Variants in UNC13C observed in about 807,000 individuals in gnomAD.
UNC13C encodes protein unc-13 homolog C.
UNC13C carries 174 observed loss-of-function variants against 245.4 expected under a neutral mutation model. That is an observed-to-expected ratio of 0.71 (90% CI 0.63 to 0.80). UNC13C has a LOEUF of 0.80. UNC13C is among the 30% of genes least tolerant of loss of function. The pLI is 0.00. For missense variants in UNC13C, 2,829 were observed against 2,602.9 expected (o/e 1.09, Z -1.89); for synonymous variants, 992 against 895.1 (o/e 1.11, Z -1.93).
intron 2 of UNC13C, among the ~76,000 whole-genome samples, chr15:54,106,956 A>G (rs1316073714): frequency 1.3e-5 from 2 of 152,280 alleles, no homozygotes; most frequent in African/African-American, 4.8e-5. Context: ...CCTGCTGTGT[A>G]GAATGAAAGA....
intron 17 of UNC13C, among the ~76,000 whole-genome samples, chr15:54,381,953 C>T (rs1047907996): frequency 1.4e-4 from 21 of 152,260 alleles, no homozygotes; most frequent in African/African-American, 4.6e-4. Flanking sequence ...ATATTCTTCT[C>T]ATCAGCATGT....
chr15:53,878,115 C>G, the UNC13C span, among the ~76,000 whole-genome samples: 3 of 152,060 alleles, frequency 2.0e-5, no homozygotes, highest in African/African-American at 7.2e-5. Context: ...TGGTTTGTCT[C>G]ATTTGTCTTC....
chr15:54,446,153 T>A (rs1194173790), intron 19 of UNC13C, among the ~76,000 whole-genome samples: 1 of 152,176 alleles, frequency 6.6e-6, no homozygotes, highest in Non-Finnish European at 1.5e-5. Flanking sequence ...TTGATCTATA[T>A]CTCTATTTTG....
intron 4 of UNC13C, among the ~76,000 whole-genome samples, chr15:54,230,060 T>C: frequency 1.3e-5 from 1 of 75,588 alleles, no homozygotes; most frequent in East Asian, 2.7e-4. Flanking sequence ...GGCTATATTG[T>C]GAATAATGTG....
At chr15:54,417,180 A>G in intron 19 of UNC13C, 1 of 330,340 alleles carries the variant, frequency 3.0e-6, no homozygotes, top group South Asian at 2.4e-5. Context: ...TACATTGCCT[A>G]TAATGATGTT....
At chr15:54,559,345 C>T (rs907167827) in intron 29 of UNC13C, among the ~76,000 whole-genome samples, 2 of 152,026 alleles carry the variant, frequency 1.3e-5, no homozygotes, top group African/African-American at 4.8e-5. Flanking sequence ...AGGTTCTGCC[C>T]TATCCTGCTA....
the UNC13C span, among the ~76,000 whole-genome samples, chr15:53,943,019 C>A: frequency 1.3e-5 from 2 of 152,128 alleles, no homozygotes. Flanking sequence ...TCACTAAGAA[C>A]AGAAACATGT....
At chr15:53,960,026 A>G in the UNC13C span, among the ~76,000 whole-genome samples, 1 of 152,200 alleles carries the variant, frequency 6.6e-6, no homozygotes, top group Admixed American at 6.5e-5. Flanking sequence ...TACAGTTTAC[A>G]GTTAAAAATA....
intron 1 of UNC13C, among the ~76,000 whole-genome samples, chr15:53,985,756 A>C (rs2725589): frequency 0.24 from 36,056 of 151,894 alleles, 5,131 homozygotes; most frequent in Non-Finnish European, 0.31. Context: ...GTCAATGTCA[A>C]CTCACTGTGG....
intron 18 of UNC13C, among the ~76,000 whole-genome samples, chr15:54,407,903 TGTAAA>T (rs2040329633): frequency 6.6e-6 from 1 of 151,930 alleles, no homozygotes; most frequent in Non-Finnish European, 1.5e-5. Context: ...ATTTTTTTGT[TGTAAA>T]AGAAAAGAAT....
chr15:54,449,871 T>C (rs925625613), intron 19 of UNC13C, among the ~76,000 whole-genome samples: 2 of 152,330 alleles, frequency 1.3e-5, no homozygotes, highest in Middle Eastern at 3.4e-3. Flanking sequence ...ATTTTCAGTT[T>C]TTCTGCTCTG....
At chr15:54,538,204 C>G (rs73421560) in intron 26 of UNC13C, among the ~76,000 whole-genome samples, 6,425 of 118,076 alleles carry the variant, frequency 0.054, 451 homozygotes, top group African/African-American at 0.18. Context: ...AGACACTTCT[C>G]AAAAGAAGAC....
At chr15:54,309,163 C>A (rs1307380669) in intron 13 of UNC13C, among the ~76,000 whole-genome samples, 2 of 151,752 alleles carry the variant, frequency 1.3e-5, no homozygotes, top group Non-Finnish European at 2.9e-5. Context: ...CTTGCCAAGG[C>A]TTGTTATCTT....
Position 54,238,076 on chromosome 15 carries a change from G to T in UNC13C, c.3228+386G>T, listed in dbSNP as rs948119413. On this transcript the variant is annotated intron_variant, in intron 7 of 32. Coordinates refer to ENST00000260323, the MANE Select transcript of UNC13C (RefSeq NM_001080534.3). Reference sequence around the variant, plus strand: ...AATTTCCTCCTCAGGACTTTTATAGGTTTTTTTTTTTTTTTTTTGAGACAG... The same window carrying T: ...AATTTCCTCCTCAGGACTTTTATAGTTTTTTTTTTTTTTTTTTTGAGACAG... 3.5e-5 allele frequency among the ~76,000 whole-genome samples: 4 copies of T among 115,838 alleles called. No homozygotes were observed. The South Asian group carries it at 8.5e-4, about 25-fold the overall frequency. 76.0% of individuals were successfully genotyped at this position (115,838 alleles called of 152,430 possible).
intron 4 of UNC13C, among the ~76,000 whole-genome samples, chr15:54,164,669 A>G (rs1369359297): frequency 4.6e-5 from 7 of 152,178 alleles, no homozygotes; most frequent in Admixed American, 4.6e-4. Flanking sequence ...TTCACTAAAC[A>G]ATTATGGAAT....
intron 17 of UNC13C, among the ~76,000 whole-genome samples, chr15:54,386,160 A>G (rs2039832439): frequency 6.6e-6 from 1 of 152,144 alleles, no homozygotes; most frequent in East Asian, 1.9e-4. Context: ...AAGAGAAAAA[A>G]CCGAGGCTAC....
intron 2 of UNC13C, among the ~76,000 whole-genome samples, chr15:54,099,311 G>A (rs1427089228): frequency 6.6e-6 from 1 of 152,104 alleles, no homozygotes; most frequent in Admixed American, 6.5e-5. Flanking sequence ...CCAGGTCAGG[G>A]TTAAATCTAA....
At chr15:54,294,361 AC>A (rs1268432238) in intron 11 of UNC13C, among the ~76,000 whole-genome samples, 1 of 152,078 alleles carries the variant, frequency 6.6e-6, no homozygotes, top group Non-Finnish European at 1.5e-5. Flanking sequence ...AGCTTCACAA[AC>A]CCTTGCCAAA....
At chr15:54,165,876 C>A (rs1427371137) in intron 4 of UNC13C, among the ~76,000 whole-genome samples, 2 of 151,686 alleles carry the variant, frequency 1.3e-5, no homozygotes, top group African/African-American at 4.8e-5. Flanking sequence ...CCCTTTCTTG[C>A]CAATCTGAAA....
Sources: allele counts gnomAD v4.1 joint callset (sites outside exome capture counted in the v4.1 genomes callset), GRCh38; gene constraint gnomAD v4.1.1; transcripts MANE v1.5; gene names NCBI Gene and HGNC (gene_info 2026-07-23, HGNC 2026-07-21).